The following NEK1 variants were observed in gnomAD, a reference collection of about 807,000 sequenced individuals.
NEK1 encodes NIMA related kinase 1.
In NEK1, 137 loss-of-function variants were observed where a neutral mutation model predicts 182.1. The observed-to-expected ratio is 0.75, with a 90% CI of 0.65 to 0.87. NEK1 has a LOEUF of 0.87. NEK1 is among the 40% of genes least tolerant of loss of function. NEK1 has a pLI of 0.00. For missense variants in NEK1, 1,391 were observed against 1,494.4 expected (o/e 0.93, Z 1.14); for synonymous variants, 513 against 492.2 (o/e 1.04, Z -0.56).
intron 33 of NEK1, among the ~76,000 whole-genome samples, chr4:169,401,373 T>C (rs1278067138): frequency 6.6e-6 from 1 of 152,166 alleles, no homozygotes. Context: ...AATGTTATTA[T>C]CTTTATTACT....
chr4:169,537,750 C>G, intron 19 of NEK1, 59 bp downstream of exon 19: 1 of 1,269,060 alleles, frequency 7.9e-7, no homozygotes, highest in South Asian at 1.2e-5. Flanking sequence ...TACCTTATTC[C>G]AGACCTTCAC....
intron 23 of NEK1, among the ~76,000 whole-genome samples, chr4:169,497,588 G>A (rs1384306484): frequency 6.6e-5 from 10 of 152,278 alleles, no homozygotes; most frequent in Middle Eastern, 3.4e-3. Context: ...GTGTCCCAGA[G>A]ATTCTGGTAT....
At chr4:169,461,793 G>A (rs182868771) in intron 27 of NEK1, among the ~76,000 whole-genome samples, 281 of 152,064 alleles carry the variant, frequency 1.8e-3, no homozygotes, top group Non-Finnish European at 3.4e-3. Flanking sequence ...TCCTTTTCAC[G>A]CAATGTTATT....
chr4:169,402,500 A>G (rs1378312721), intron 32 of NEK1, among the ~76,000 whole-genome samples: 1 of 152,234 alleles, frequency 6.6e-6, no homozygotes, highest in Non-Finnish European at 1.5e-5. Context: ...TAACTAGCCT[A>G]TACCAACCAT....
chr4:169,546,661 G>A (rs1487112731), intron 18 of NEK1, among the ~76,000 whole-genome samples: 3 of 152,194 alleles, frequency 2.0e-5, no homozygotes, highest in South Asian at 4.1e-4. Context: ...GGGTGCTCCT[G>A]TATTGGGTAC....
chr4:169,534,954 T>C (rs1254397963), intron 19 of NEK1, among the ~76,000 whole-genome samples: 2 of 152,214 alleles, frequency 1.3e-5, no homozygotes, highest in Non-Finnish European at 2.9e-5. Flanking sequence ...ATATTCCGTA[T>C]GTTTAACAAC....
At chr4:169,603,906 A>G (rs903507344) in intron 2 of NEK1, among the ~76,000 whole-genome samples, 20 of 152,054 alleles carry the variant, frequency 1.3e-4, no homozygotes, top group African/African-American at 4.6e-4. Context: ...GGGTTTCGCC[A>G]TGTTGGCTGG....
chr4:169,592,267 A>G (rs1204756945), intron 5 of NEK1, among the ~76,000 whole-genome samples: 1 of 152,212 alleles, frequency 6.6e-6, no homozygotes, highest in East Asian at 1.9e-4. Context: ...AACCATGTAT[A>G]TAAGATATTT....
intron 27 of NEK1, among the ~76,000 whole-genome samples, chr4:169,443,393 T>C (rs912723760): frequency 1.5e-5 from 1 of 65,270 alleles, no homozygotes; most frequent in Non-Finnish European, 2.9e-5. Context: ...TTAAATAAAA[T>C]TACAACTGAG....
At chr4:169,498,057 C>G (rs1294648721) in intron 23 of NEK1, among the ~76,000 whole-genome samples, 2 of 152,152 alleles carry the variant, frequency 1.3e-5, no homozygotes, top group Admixed American at 1.3e-4. Context: ...CTTTGTAGGT[C>G]TCTAAGGACT....
Position 169,577,069 on chromosome 4 carries a change from T to G in NEK1, c.879A>C (p.Pro293=). 6.2e-7 allele frequency: 1 copy of G among 1,613,678 alleles called. No homozygotes were observed. Among genetic ancestry groups the G allele is most frequent in the Non-Finnish European group, 8.5e-7 (1 of 1,179,728 alleles). ...CAGAAATCGAGTTTTGTCCTGAAGC[T>G]GGTCTTTTAGCTAGATGAAAAGATA... is the stretch of plus-strand genomic sequence containing the variant. The part of the protein sequence containing the change: ...FGSQPIPAKR[P]ASGQNSISVM... The change falls in exon 12 of 36, where the codon CCA becomes CCC. Residue 293 remains proline, a synonymous_variant. Coordinates refer to ENST00000507142, the MANE Select transcript of NEK1 (RefSeq NM_001199397.3).
intron 9 of NEK1, 22 bp downstream of exon 9, chr4:169,587,537 T>C (rs1213982514): frequency 3.0e-6 from 4 of 1,339,500 alleles, no homozygotes; most frequent in Non-Finnish European, 3.0e-6. Flanking sequence ...ACTTTGAAAG[T>C]ATTTCAGAAA....
intron 18 of NEK1, among the ~76,000 whole-genome samples, chr4:169,544,582 G>C (rs186978324): frequency 4.9e-5 from 7 of 143,644 alleles, no homozygotes; most frequent in African/African-American, 1.5e-4. Context: ...ATTCGGCTGT[G>C]AATCTGTCTG....
chr4:169,530,163 A>G (rs1008682527), intron 19 of NEK1, among the ~76,000 whole-genome samples: 3 of 152,200 alleles, frequency 2.0e-5, no homozygotes, highest in Admixed American at 6.5e-5. Flanking sequence ...CATCCATTCA[A>G]TGGAGTACTA....
At chr4:169,441,879 T>C (rs146903093) in intron 27 of NEK1, among the ~76,000 whole-genome samples, 78 of 152,206 alleles carry the variant, frequency 5.1e-4, no homozygotes, top group African/African-American at 1.8e-3. Flanking sequence ...AATAGTGCTA[T>C]GTGTATTGTC....
Position 169,479,494 on chromosome 4 carries a change from G to C in NEK1, c.2048C>G (p.Pro683Arg). 1 of 1,610,936 alleles carries C rather than the reference G, an allele frequency of 6.2e-7. No individual in the cohort carries two copies. The highest frequency in any genetic ancestry group is 8.5e-7 in the Non-Finnish European group (1 of 1,178,718). The change falls in exon 24 of 36, where the codon CCT (proline) becomes CGT (arginine). Residue 683 changes from proline (P) to arginine (R), a missense_variant. Physicochemically the swap from Pro to Arg is moderately radical, Grantham distance 103. This residue lies in a region of NEK1 where 1,216 missense variants were observed against 1,277.6 expected (regional missense o/e 0.95). Coordinates refer to ENST00000507142, the MANE Select transcript of NEK1 (RefSeq NM_001199397.3). ...KGVKSSDVSP[P>R]LGQHETGGSP... ...GCCACCTGTTTCATGCTGTCCCAAA[G>C]GTGGAGAAACATCAGAACTCTTAAC... is the stretch of plus-strand genomic sequence containing the variant.
chr4:169,577,650 A>G (rs1255144496), intron 11 of NEK1, among the ~76,000 whole-genome samples: 4 of 152,018 alleles, frequency 2.6e-5, no homozygotes, highest in Admixed American at 2.0e-4. Flanking sequence ...GCTACTTGGG[A>G]GGCTGAGGCA....
chr4:169,570,111 C>T (rs542377206), intron 12 of NEK1, among the ~76,000 whole-genome samples: 10 of 151,054 alleles, frequency 6.6e-5, no homozygotes, highest in African/African-American at 2.4e-4. Context: ...GGCCGCCCAT[C>T]GTCTGAGATG....
chr4:169,521,909 G>A (rs1029748171), intron 19 of NEK1, among the ~76,000 whole-genome samples: 3 of 151,972 alleles, frequency 2.0e-5, no homozygotes, highest in African/African-American at 4.8e-5. Flanking sequence ...CTTATTGTAG[G>A]ATTTGCTCAG....
Sources: gnomAD v4.1 joint callset for allele counts (sites outside exome capture counted in the v4.1 genomes callset) on GRCh38, gnomAD v4.1.1 for gene constraint, gnomAD v4.1.1 regional missense constraint, MANE v1.5 for transcripts, NCBI Gene and HGNC (gene_info 2026-07-23, HGNC 2026-07-21) for gene names.